The following PLD1 variants were observed in gnomAD, a reference collection of about 807,000 sequenced individuals.
PLD1 encodes phospholipase D1.
In PLD1, 112 loss-of-function variants were observed where a neutral mutation model predicts 137.1. The observed-to-expected ratio is 0.82, with a 90% CI of 0.70 to 0.96. PLD1 has a LOEUF of 0.96. Ranked by LOEUF, PLD1 falls within the 40% of genes least tolerant of loss-of-function variation. PLD1 has a pLI of 0.00. For synonymous variants in PLD1, 431 were observed against 454.7 expected (o/e 0.95, Z 0.66); for missense variants, 1,321 against 1,342.0 (o/e 0.98, Z 0.24).
At position 171,699,730 on chromosome 3, in the gene PLD1, TG is replaced by T. The variant is rs776209807; in HGVS notation, c.1227+14del. On this transcript the variant is annotated intron_variant, in intron 12 of 26. Coordinates refer to ENST00000351298, the MANE Select transcript of PLD1 (RefSeq NM_002662.5). ...GTTAAAAAATTATATCAGCATTTTC[TG>T]GGAAAGTACATACTGCTTTTCGTTT... The T allele has an allele frequency of 1.3e-6, 2 of 1,582,370 alleles. No individual in the cohort carries two copies. Among genetic ancestry groups the T allele is most frequent in the Admixed American group, 3.4e-5 (2 of 59,418 alleles).
intron 23 of PLD1, among the ~76,000 whole-genome samples, chr3:171,625,209 C>A (rs530489985): frequency 0.03 from 4,525 of 152,340 alleles, 156 homozygotes; most frequent in African/African-American, 0.084. Context: ...ATATCCCGCA[C>A]ATGGCTTGGA....
chr3:171,699,660 G>T, intron 12 of PLD1, 85 bp downstream of exon 12: 3 of 922,696 alleles, frequency 3.3e-6, no homozygotes, highest in Non-Finnish European at 5.2e-6. Flanking sequence ...AAAGTTATAC[G>T]TGTGAAAGGC....
At chr3:171,706,114 G>A (rs868069885) in intron 11 of PLD1, among the ~76,000 whole-genome samples, 39 of 131,058 alleles carry the variant, frequency 3.0e-4, no homozygotes, top group South Asian at 5.4e-4. Flanking sequence ...AACCAACACC[G>A]GGTCAGTCAG....
chr3:171,709,778 G>A, intron 9 of PLD1, 69 bp from the exon 10 acceptor site: 2 of 1,352,932 alleles, frequency 1.5e-6, no homozygotes, highest in Non-Finnish European at 2.0e-6. Flanking sequence ...TTTTTATTTG[G>A]TAATATACCA....
At chr3:171,698,148 T>C (rs2108537667) in intron 12 of PLD1, among the ~76,000 whole-genome samples, 1 of 152,320 alleles carries the variant, frequency 6.6e-6, no homozygotes, top group African/African-American at 2.4e-5. Flanking sequence ...GAAAGTAGTC[T>C]GGTAAGGCTA....
Position 171,808,329 on chromosome 3 carries a change from A to G in PLD1, c.-32+2070T>C, listed in dbSNP as rs527938544. Among the ~76,000 whole-genome samples, 400 of 152,142 alleles carry G rather than the reference A, an allele frequency of 2.6e-3. 1 individual carries two copies. The highest frequency in any genetic ancestry group is 4.9e-3 in the Non-Finnish European group (334 of 67,950). The stretch of plus-strand genomic sequence containing the variant: ...AGGCGGGCGGATCACGAGGTCAGGA[A>G]ATCGAGACCATCCTGGCTAACACGG... On this transcript the variant is annotated intron_variant, in intron 1 of 26. Coordinates refer to ENST00000351298, the MANE Select transcript of PLD1 (RefSeq NM_002662.5).
intron 1 of PLD1, among the ~76,000 whole-genome samples, chr3:171,795,489 G>A (rs1265530358): frequency 6.6e-6 from 1 of 152,128 alleles, no homozygotes; most frequent in Non-Finnish European, 1.5e-5. Context: ...CTAGATGACT[G>A]TCTCTGGTCT....
intron 11 of PLD1, among the ~76,000 whole-genome samples, chr3:171,700,909 G>A (rs1336327247): frequency 1.3e-5 from 2 of 152,142 alleles, no homozygotes; most frequent in African/African-American, 2.4e-5. Context: ...TAACTTCCCT[G>A]TAGTTAGAAA....
At chr3:171,714,198 GAAAC>G (rs1318254230) in intron 8 of PLD1, among the ~76,000 whole-genome samples, 153 bp from the exon 9 acceptor site, 1 of 151,790 alleles carries the variant, frequency 6.6e-6, no homozygotes. Flanking sequence ...TAATCGCTAT[GAAAC>G]AAACAAAAAA....
chr3:171,764,882 A>G (rs867987939), intron 1 of PLD1, among the ~76,000 whole-genome samples: 62 of 26,942 alleles, frequency 2.3e-3, no homozygotes, highest in African/African-American at 3.7e-3. Flanking sequence ...AAAGAAAGAA[A>G]GAAAGAAAGA....
intron 1 of PLD1, among the ~76,000 whole-genome samples, chr3:171,754,456 T>A (rs1439800429): frequency 6.6e-6 from 1 of 152,192 alleles, no homozygotes; most frequent in Non-Finnish European, 1.5e-5. Context: ...AAACTGTTGG[T>A]CTGAGACTCA....
chr3:171,773,824 C>T (rs1009427275), intron 1 of PLD1, among the ~76,000 whole-genome samples: 7 of 152,052 alleles, frequency 4.6e-5, no homozygotes, highest in African/African-American at 1.7e-4. Flanking sequence ...TCTCGGCTCA[C>T]TGCAACCTCC....
At chr3:171,637,619 C>T (rs1735242941) in intron 23 of PLD1, among the ~76,000 whole-genome samples, 1 of 152,096 alleles carries the variant, frequency 6.6e-6, no homozygotes, top group African/African-American at 2.4e-5. Flanking sequence ...TAATACATTG[C>T]TTAATGAGAA....
intron 1 of PLD1, among the ~76,000 whole-genome samples, chr3:171,786,407 T>C (rs1178049737): frequency 6.6e-6 from 1 of 152,104 alleles, no homozygotes; most frequent in Non-Finnish European, 1.5e-5. Flanking sequence ...CTCAAGTCCA[T>C]CTGGAAATGG....
chr3:171,760,978 A>G (rs533845030), intron 1 of PLD1, among the ~76,000 whole-genome samples: 45 of 152,378 alleles, frequency 3.0e-4, no homozygotes, highest in Non-Finnish European at 4.3e-4. Context: ...TCGGGTAATC[A>G]CACTGTAAAA....
chr3:171,639,323 A>T (rs986789205), intron 23 of PLD1, among the ~76,000 whole-genome samples: 1 of 136,832 alleles, frequency 7.3e-6, no homozygotes, highest in African/African-American at 2.7e-5. Flanking sequence ...ATCTATATAT[A>T]AATATTTTCA....
chr3:171,739,903 T>C lies in PLD1; in HGVS notation c.-31-1821A>G, dbSNP rs144260814. Among the ~76,000 whole-genome samples the C allele has an allele frequency of 1.4e-3, 207 of 152,268 alleles. 4 individuals are homozygous for C. The highest frequency in any genetic ancestry group is 4.8e-3 in the African/African-American group (199 of 41,558). ...ATTCTTTGTAGATATGTAAGTGCTT[T>C]GGAATAGATGGAACAGTTAATATAA... On this transcript the variant is annotated intron_variant, in intron 1 of 26. Coordinates refer to ENST00000351298, the MANE Select transcript of PLD1 (RefSeq NM_002662.5).
chr3:171,796,154 C>T (rs936593237), intron 1 of PLD1, among the ~76,000 whole-genome samples: 7 of 152,234 alleles, frequency 4.6e-5, no homozygotes, highest in Non-Finnish European at 7.4e-5. Context: ...ACGATGAGTG[C>T]AGTGAAGAAG....
intron 25 of PLD1, among the ~76,000 whole-genome samples, chr3:171,611,115 C>A (rs1339264637): frequency 2.0e-5 from 3 of 152,208 alleles, no homozygotes; most frequent in African/African-American, 7.2e-5. Context: ...CCCGAAAGGG[C>A]ATAACGCACT....
Sources: allele counts gnomAD v4.1 joint callset (sites outside exome capture counted in the v4.1 genomes callset), GRCh38; gene constraint gnomAD v4.1.1; transcripts MANE v1.5; gene names NCBI Gene and HGNC (gene_info 2026-07-23, HGNC 2026-07-21).